ARL15: variants seen among roughly 807,000 people sequenced by gnomAD.
The protein encoded by ARL15 is ADP-ribosylation factor-like protein 15.
Under a neutral mutation model 25.2 loss-of-function variants are expected in ARL15, and 19 were observed. The ratio of observed to expected loss-of-function variants is 0.75; its 90% confidence interval spans 0.53 to 1.10. The LOEUF is 1.10. Among genes scored for constraint, ARL15 ranks in the 50% least tolerant of loss-of-function variants. The pLI, the probability that ARL15 is intolerant of heterozygous loss-of-function variation, is 0.00. For synonymous variants in ARL15, 94 were observed against 86.8 expected, an observed-to-expected ratio of 1.08 and a Z score of -0.46; for missense variants, 220 against 246.0, an observed-to-expected ratio of 0.89 and a Z score of 0.71.
chr5:54,109,976 T>A (rs956126130), intron 4 of ARL15, among the ~76,000 whole-genome samples: 5 of 151,922 alleles, frequency 3.3e-5, no homozygotes, highest in Non-Finnish European at 7.4e-5. Flanking sequence ...GTTTTCACTA[T>A]CAGCTCTCAA....
At chr5:54,219,184 T>A (rs915080342) in intron 1 of ARL15, among the ~76,000 whole-genome samples, 2 of 152,140 alleles carry the variant, frequency 1.3e-5, no homozygotes, top group Non-Finnish European at 1.5e-5. Flanking sequence ...CAGCTCTCTT[T>A]CGCTATTAAA....
chr5:54,157,333 C>A (rs1271720529), intron 2 of ARL15, among the ~76,000 whole-genome samples: 2 of 152,178 alleles, frequency 1.3e-5, no homozygotes, highest in Non-Finnish European at 2.9e-5. Flanking sequence ...TCTTTAAATT[C>A]TTGCAAAGTC....
At chr5:54,187,551 G>A (rs927486373) in intron 1 of ARL15, among the ~76,000 whole-genome samples, 2 of 152,216 alleles carry the variant, frequency 1.3e-5, no homozygotes, top group Non-Finnish European at 2.9e-5. Flanking sequence ...ATGGCTAAGA[G>A]TCAGTCTGAA....
intron 4 of ARL15, among the ~76,000 whole-genome samples, chr5:54,039,856 G>C (rs1750283505): frequency 7.8e-6 from 1 of 128,252 alleles, no homozygotes; most frequent in Non-Finnish European, 1.7e-5. Context: ...AATGCAGCTA[G>C]AAATGGATAG....
At chr5:53,995,309 A>C (rs946969224) in intron 4 of ARL15, among the ~76,000 whole-genome samples, 1 of 144,004 alleles carries the variant, frequency 6.9e-6, no homozygotes, top group Non-Finnish European at 1.5e-5. Flanking sequence ...GTCACAAAAA[A>C]AAAAAAAAAA....
chr5:54,245,561 G>A (rs922454984), intron 1 of ARL15, among the ~76,000 whole-genome samples: 3 of 152,082 alleles, frequency 2.0e-5, no homozygotes, highest in Admixed American at 6.6e-5. Context: ...TGGGTCCTAA[G>A]CACTCTTGCT....
At position 54,124,397 on chromosome 5, in the gene ARL15, A is replaced by T. The variant is rs182994731; in HGVS notation, c.254-10987T>A. On this transcript the variant is annotated intron_variant, in intron 3 of 4. Transcript: ENST00000504924. The stretch of plus-strand genomic sequence containing the variant: ...AAAATTTGTTTTAAACACATTTATC[A>T]TAGGCTTGCTGCTGTTCTGAATATT... Among the ~76,000 whole-genome samples the T allele has an allele frequency of 2.0e-5, 3 of 152,236 alleles. No individual in the cohort carries two copies. In the East Asian group the frequency reaches 5.8e-4, roughly 29 times the overall value.
chr5:54,008,381 C>T (rs1267752876), intron 4 of ARL15, among the ~76,000 whole-genome samples: 2 of 152,098 alleles, frequency 1.3e-5, no homozygotes, highest in East Asian at 3.8e-4. Flanking sequence ...AAAATGGTGC[C>T]GATTGCTCAA....
At position 54,218,606 on chromosome 5, in the gene ARL15, A is replaced by G. The variant is rs571001779; in HGVS notation, c.49-46678T>C. Among the ~76,000 whole-genome samples, 3 of 152,222 alleles carry G rather than the reference A, an allele frequency of 2.0e-5. No individual in the cohort carries two copies. In the South Asian group the frequency reaches 6.2e-4, roughly 32 times the overall value. The stretch of plus-strand genomic sequence containing the variant: ...GGCACTGGATTCCCGCGGTAGCATA[A>G]AAACCCCTTAGGGTTTAGTTGGTGG... On this transcript the variant is annotated intron_variant, in intron 1 of 4. Coordinates refer to ENST00000504924, the MANE Select transcript of ARL15 (RefSeq NM_019087.3).
At chr5:54,291,584 C>A (rs1042484520) in intron 1 of ARL15, among the ~76,000 whole-genome samples, 10 of 152,154 alleles carry the variant, frequency 6.6e-5, no homozygotes, top group African/African-American at 2.4e-4. Context: ...ACTAACTCTA[C>A]TGAATTAAAT....
intron 4 of ARL15, among the ~76,000 whole-genome samples, chr5:54,084,890 A>G (rs13172511): frequency 7.7e-4 from 118 of 152,320 alleles, no homozygotes; most frequent in Non-Finnish European, 1.5e-3. Flanking sequence ...AGGGACAAAC[A>G]TGATATGAAA....
intron 4 of ARL15, among the ~76,000 whole-genome samples, chr5:54,099,973 C>T (rs1752387959): frequency 6.6e-6 from 1 of 151,782 alleles, no homozygotes; most frequent in African/African-American, 2.4e-5. Flanking sequence ...AAATATTCAT[C>T]AAGTTAAACC....
At chr5:54,269,977 C>G (rs941468324) in intron 1 of ARL15, among the ~76,000 whole-genome samples, 2 of 152,198 alleles carry the variant, frequency 1.3e-5, no homozygotes, top group African/African-American at 4.8e-5. Context: ...GGATGAGATA[C>G]AGTTCAGCAT....
At chr5:53,991,909 C>G (rs932033776) in intron 4 of ARL15, among the ~76,000 whole-genome samples, 1 of 152,168 alleles carries the variant, frequency 6.6e-6, no homozygotes, top group Non-Finnish European at 1.5e-5. Context: ...AAAAATAATA[C>G]TTATAAATTG....
chr5:54,094,194 G>C (rs1020404976), intron 4 of ARL15, among the ~76,000 whole-genome samples: 2 of 152,064 alleles, frequency 1.3e-5, no homozygotes, highest in Non-Finnish European at 2.9e-5. Flanking sequence ...TGACTTCCTA[G>C]ACCAGACCAC....
chr5:54,110,932 C>A (rs969534613), intron 4 of ARL15, among the ~76,000 whole-genome samples: 3 of 151,972 alleles, frequency 2.0e-5, no homozygotes, highest in African/African-American at 7.2e-5. Context: ...CATTTTAATA[C>A]AGTACACAGA....
rs145971193 is a variant in ARL15 at position 53,912,696 on chromosome 5, G to A, written c.463-25983C>T. On this transcript the variant is annotated intron_variant, in intron 4 of 4. Coordinates refer to ENST00000504924, the MANE Select transcript of ARL15 (RefSeq NM_019087.3). Reference sequence around the variant, plus strand: ...TGATTGGTGGCTTCCCACATATCATGTGAGGTCCACAAGAGACTAAAGATT... The same window carrying A: ...TGATTGGTGGCTTCCCACATATCATATGAGGTCCACAAGAGACTAAAGATT... Among the ~76,000 whole-genome samples the A allele has an allele frequency of 5.4e-4, 82 of 152,322 alleles. No homozygotes were observed. In the East Asian group the frequency reaches 0.015, roughly 28 times the overall value.
At chr5:54,261,877 A>G (rs527902801) in intron 1 of ARL15, among the ~76,000 whole-genome samples, 1 of 152,164 alleles carries the variant, frequency 6.6e-6, no homozygotes, top group Non-Finnish European at 1.5e-5. Flanking sequence ...TTCTCATCAA[A>G]TTGAAGTTTC....
At chr5:54,267,490 T>TA (rs1292006089) in intron 1 of ARL15, among the ~76,000 whole-genome samples, 1 of 152,240 alleles carries the variant, frequency 6.6e-6, no homozygotes, top group Non-Finnish European at 1.5e-5. Context: ...TATCCATTTT[T>TA]AAGTTGACAT....
Sources: allele counts gnomAD v4.1 joint callset (sites outside exome capture counted in the v4.1 genomes callset), GRCh38; gene constraint gnomAD v4.1.1; transcripts MANE v1.5; gene names NCBI Gene and HGNC (gene_info 2026-07-23, HGNC 2026-07-21).